Variants in ZMYND8 observed in about 807,000 individuals in gnomAD.
The protein encoded by ZMYND8 is zinc finger MYND-type containing 8.
In ZMYND8, 37 loss-of-function variants were observed where a neutral mutation model predicts 140.8. The ratio of observed to expected loss-of-function variants is 0.26; its 90% CI spans 0.20 to 0.35. The LOEUF (loss-of-function observed/expected upper bound fraction) is 0.35, where lower values mean the gene tolerates loss of function less well. ZMYND8 is among the 10% of genes least tolerant of loss of function. The pLI is 1.00. For synonymous variants in ZMYND8, 592 were observed against 597.1 expected (o/e 0.99, Z 0.12); for missense variants, 1,068 against 1,570.0 (o/e 0.68, Z 5.40).
chr20:47,222,538 C>CA (rs1600944232), intron 19 of ZMYND8, among the ~76,000 whole-genome samples: 1 of 142,270 alleles, frequency 7.0e-6, no homozygotes. Flanking sequence ...TCCGTCTCAA[C>CA]GAAAAAAAAA....
chr20:47,244,988 C>A (rs961637859), intron 14 of ZMYND8, among the ~76,000 whole-genome samples: 1 of 151,852 alleles, frequency 6.6e-6, no homozygotes, highest in Non-Finnish European at 1.5e-5. Flanking sequence ...ACCCGGGAGG[C>A]GGAGGTTGCA....
chr20:47,278,429 C>A (rs1168316847), intron 10 of ZMYND8, among the ~76,000 whole-genome samples: 1 of 152,166 alleles, frequency 6.6e-6, no homozygotes. Flanking sequence ...TCCAAAGCAA[C>A]CATGTAGGAA....
chr20:47,307,689 G>T (rs971382322), intron 3 of ZMYND8, among the ~76,000 whole-genome samples: 2 of 151,700 alleles, frequency 1.3e-5, no homozygotes, highest in African/African-American at 4.8e-5. Context: ...TTAGCAGGGC[G>T]TGGTGGCAGG....
chr20:47,278,861 TA>T (rs1481594834), intron 10 of ZMYND8, among the ~76,000 whole-genome samples: 4 of 152,014 alleles, frequency 2.6e-5, no homozygotes, highest in Admixed American at 6.6e-5. Context: ...TCAGGACTAC[TA>T]GACAGGACAG....
At chr20:47,244,430 T>C (rs2040307827) in intron 14 of ZMYND8, among the ~76,000 whole-genome samples, 2 of 152,244 alleles carry the variant, frequency 1.3e-5, no homozygotes, top group African/African-American at 4.8e-5. Context: ...AAAAATGTGC[T>C]GAATACTTTG....
Position 47,298,108 on chromosome 20 carries a change from G to T in ZMYND8, c.453+621C>A. 3.6e-6 allele frequency: 1 copy of T among 279,866 alleles called. No individual in the cohort carries two copies. Among genetic ancestry groups the T allele is most frequent in the Non-Finnish European group, 5.4e-6 (1 of 185,396 alleles). The allele number at this position is 279,866 out of a possible 1,614,324, so 17.3% of individuals were successfully genotyped here. A position where few individuals can be genotyped will look rare whatever the true frequency, so the allele number is the denominator to read the frequency against. ...GACCTCCTATTCCCATCCTGAATTT[G>T]TTTTCTTCACAGCACTTTTCTTTTA... On this transcript the variant is annotated intron_variant, in intron 4 of 22. Transcript: ENST00000471951. This position sits in a 1 kb window ranked among gnomAD's most constrained non-coding sequence, Gnocchi z 5.0.
At chr20:47,327,843 C>G (rs1040519170) in intron 2 of ZMYND8, among the ~76,000 whole-genome samples, 9 of 152,156 alleles carry the variant, frequency 5.9e-5, no homozygotes, top group Admixed American at 5.9e-4. Context: ...AGAAACAGGT[C>G]TTGCTCCGTC....
At chr20:47,239,194 T>C (rs2039638503) in intron 14 of ZMYND8, 56 bp from the exon 15 acceptor site, 1 of 1,479,278 alleles carries the variant, frequency 6.8e-7, no homozygotes, top group Admixed American at 2.3e-5. Flanking sequence ...CAGGTTCACC[T>C]GCACGGTCTT....
At chr20:47,289,356 G>A (rs992471271) in intron 7 of ZMYND8, among the ~76,000 whole-genome samples, 4 of 152,222 alleles carry the variant, frequency 2.6e-5, no homozygotes, top group African/African-American at 9.6e-5. Flanking sequence ...TACCCTGCTG[G>A]TAGAATGTAA....
chr20:47,267,841 C>A (rs1430074552), intron 11 of ZMYND8, among the ~76,000 whole-genome samples: 1 of 152,186 alleles, frequency 6.6e-6, no homozygotes, highest in Non-Finnish European at 1.5e-5. Context: ...CCTGAGGTTC[C>A]CAAGGGAAGG....
At position 47,315,594 on chromosome 20, in the gene ZMYND8, T is replaced by C. The variant is rs2079321236; in HGVS notation, c.86-5390A>G. Among the ~76,000 whole-genome samples, 5 of 152,324 alleles carry C rather than the reference T, an allele frequency of 3.3e-5. No individual in the cohort carries two copies. In the South Asian group the frequency reaches 1.0e-3, roughly 32 times the overall value. On this transcript the variant is annotated intron_variant, in intron 2 of 22. Transcript: ENST00000471951. ...ATGGACTGGTGGGTGTACACCTGAC[T>C]GTAGCCGTGGTACCCAGGCTCCATA...
At chr20:47,300,421 T>C (rs1156483820) in intron 3 of ZMYND8, among the ~76,000 whole-genome samples, 1 of 152,214 alleles carries the variant, frequency 6.6e-6, no homozygotes, top group Non-Finnish European at 1.5e-5. Context: ...CACAAATATC[T>C]TCTACGTTGG....
chr20:47,255,138 CAT>C, intron 12 of ZMYND8, among the ~76,000 whole-genome samples: 1 of 152,098 alleles, frequency 6.6e-6, no homozygotes. Flanking sequence ...ATAAATAAAA[CAT>C]AAAAATATCT....
At chr20:47,302,978 G>A (rs2078182586) in intron 3 of ZMYND8, among the ~76,000 whole-genome samples, 1 of 152,118 alleles carries the variant, frequency 6.6e-6, no homozygotes, top group African/African-American at 2.4e-5. Context: ...GCAGGTAGAA[G>A]CATACCTGGC....
rs1601398301 is a variant in ZMYND8 at position 47,262,424 on chromosome 20, T to C, written c.1485A>G (p.Ser495=). ...CTTGTCCCGTCTTGGTGGAGGCTGG[T>C]GAAGCTGAAAAAGTATGGCATTGTT... ...SMDFLDKSTA[S]PASTKTGQAG... Residue 495 remains serine, a synonymous_variant, in exon 12 of 23, where the codon TCA becomes TCG. Coordinates refer to ENST00000471951, the MANE Select transcript of ZMYND8 (RefSeq NM_001281775.3). 1.2e-6 allele frequency: 2 copies of C among 1,613,972 alleles called. No homozygotes were observed. Among genetic ancestry groups the C allele is most frequent in the Non-Finnish European group, 1.7e-6 (2 of 1,179,964 alleles).
At chr20:47,291,715 A>G in intron 6 of ZMYND8, 81 bp downstream of exon 6, 1 of 1,057,002 alleles carries the variant, frequency 9.5e-7, no homozygotes, top group Non-Finnish European at 1.3e-6. Flanking sequence ...CCAACTTGTG[A>G]TAGAGCATAG....
chr20:47,319,335 C>A (rs1286066632), intron 2 of ZMYND8: 2 of 278,724 alleles, frequency 7.2e-6, no homozygotes, highest in Admixed American at 5.1e-5. Flanking sequence ...ATACGAGGAA[C>A]TGCAGTTGTT....
intron 2 of ZMYND8, among the ~76,000 whole-genome samples, chr20:47,324,193 C>T (rs1277087475): frequency 2.5e-5 from 3 of 118,034 alleles, no homozygotes; most frequent in Non-Finnish European, 4.9e-5. Context: ...CAGAGCGAGA[C>T]TCTGTCTCAA....
chr20:47,306,892 G>A (rs1022838112), intron 3 of ZMYND8, among the ~76,000 whole-genome samples: 1 of 152,194 alleles, frequency 6.6e-6, no homozygotes, highest in Non-Finnish European at 1.5e-5. Flanking sequence ...GAAATGAGCA[G>A]AGCAGGCTGA....
Sources: allele counts gnomAD v4.1 joint callset (sites outside exome capture counted in the v4.1 genomes callset), GRCh38; gene constraint gnomAD v4.1.1; non-coding constraint Gnocchi (gnomAD v3.1); transcripts MANE v1.5; gene names NCBI Gene and HGNC (gene_info 2026-07-23, HGNC 2026-07-21).